BTRC: variants seen among roughly 807,000 people sequenced by gnomAD.
BTRC encodes the protein beta-transducin repeat containing E3 ubiquitin protein ligase.
Under a neutral mutation model 85.5 loss-of-function variants are expected in BTRC, and 42 were observed. The observed-to-expected ratio is 0.49, with a 90% CI of 0.38 to 0.64. BTRC has a LOEUF of 0.64. Ranked by LOEUF, BTRC falls within the 30% of genes least tolerant of loss-of-function variation. BTRC has a pLI of 0.00. For missense variants in BTRC, 594 were observed against 743.5 expected (o/e 0.80, Z 2.34); for synonymous variants, 255 against 263.3 (o/e 0.97, Z 0.30).
At chr10:101,473,849 C>T (rs181785800) in intron 3 of BTRC, among the ~76,000 whole-genome samples, 52 of 152,228 alleles carry the variant, frequency 3.4e-4, no homozygotes, top group Non-Finnish European at 5.3e-4. Context: ...CCTCCTGCCT[C>T]GGCTTCCCAA....
intron 1 of BTRC, among the ~76,000 whole-genome samples, chr10:101,375,796 C>T (rs1298977449): frequency 6.6e-6 from 1 of 152,160 alleles, no homozygotes; most frequent in Non-Finnish European, 1.5e-5. Context: ...CTTTTTCCCC[C>T]CTCTTCCCTT....
At chr10:101,355,454 A>G (rs1021986793) in intron 1 of BTRC, among the ~76,000 whole-genome samples, 5 of 152,212 alleles carry the variant, frequency 3.3e-5, no homozygotes, top group Admixed American at 2.6e-4. Flanking sequence ...CTGATATTTG[A>G]TGCTTTTAAT....
intron 1 of BTRC, among the ~76,000 whole-genome samples, chr10:101,415,481 TTTATTTTATGTTATGTTATG>T (rs1424084813): frequency 5.3e-4 from 3 of 5,668 alleles, no homozygotes; most frequent in African/African-American, 5.8e-4. Flanking sequence ...TTTATTTTAT[TTTATTTTATGTTATGTTATG>T]TTATGTTATG....
At chr10:101,369,861 A>G (rs1033688880) in intron 1 of BTRC, among the ~76,000 whole-genome samples, 11 of 152,212 alleles carry the variant, frequency 7.2e-5, no homozygotes, top group Admixed American at 7.2e-4. Context: ...TCCTCAAAAT[A>G]TTTTCTTAGT....
chr10:101,547,471 G>A (rs1228806030), intron 13 of BTRC, among the ~76,000 whole-genome samples: 2 of 150,724 alleles, frequency 1.3e-5, no homozygotes, highest in African/African-American at 4.9e-5. Context: ...CTCCTGAGTA[G>A]CTGGGATTAC....
intron 9 of BTRC, among the ~76,000 whole-genome samples, chr10:101,533,535 G>C (rs1477586280): frequency 6.6e-6 from 1 of 152,142 alleles, no homozygotes; most frequent in East Asian, 1.9e-4. Flanking sequence ...CACTCAGGTA[G>C]GGGCCCTCAA....
At chr10:101,399,190 A>G (rs1429254482) in intron 1 of BTRC, among the ~76,000 whole-genome samples, 3 of 151,930 alleles carry the variant, frequency 2.0e-5, no homozygotes, top group Non-Finnish European at 2.9e-5. Context: ...CCTGACCTCA[A>G]ATGATCCACC....
At chr10:101,522,009 T>A in intron 5 of BTRC, 139 bp downstream of exon 5, 1 of 256,914 alleles carries the variant, frequency 3.9e-6, no homozygotes, top group Non-Finnish European at 7.0e-6. Context: ...CTTTTTGATA[T>A]AAAGCTTTTT....
chr10:101,354,147 C>T (rs1392428719), upstream of BTRC: 8 of 1,548,162 alleles, frequency 5.2e-6, no homozygotes, highest in Non-Finnish European at 7.0e-6. Flanking sequence ...AGGGGCGGCC[C>T]CGGCGGAGAG....
intron 4 of BTRC, among the ~76,000 whole-genome samples, chr10:101,511,617 G>A (rs2061955827): frequency 6.6e-6 from 1 of 152,050 alleles, no homozygotes. Context: ...AGTGCAGTGG[G>A]CAATCTCAGG....
intron 4 of BTRC, among the ~76,000 whole-genome samples, chr10:101,494,569 ACT>A (rs1255787994): frequency 1.3e-5 from 2 of 152,148 alleles, no homozygotes; most frequent in Admixed American, 1.3e-4. Context: ...TTTTAAGGTG[ACT>A]CTGCATTTTC....
chr10:101,448,864 A>G (rs150307904), intron 2 of BTRC, among the ~76,000 whole-genome samples: 57 of 152,034 alleles, frequency 3.7e-4, no homozygotes, highest in African/African-American at 1.3e-3. Context: ...ACCCTTCAAT[A>G]TCTATGCTGA....
At chr10:101,434,376 G>A (rs1021328048) in intron 2 of BTRC, among the ~76,000 whole-genome samples, 1 of 151,986 alleles carries the variant, frequency 6.6e-6, no homozygotes, top group African/African-American at 2.4e-5. Context: ...GGAACAATTG[G>A]ATATCCTTGT....
intron 1 of BTRC, among the ~76,000 whole-genome samples, chr10:101,394,466 C>T (rs1943314254): frequency 1.3e-5 from 2 of 152,080 alleles, no homozygotes. Context: ...TAGTTTGTTT[C>T]TTAAATAAGG....
At position 101,418,711 on chromosome 10, in the gene BTRC, A is replaced by T. The variant is rs546682152; in HGVS notation, c.49-11634A>T. Among the ~76,000 whole-genome samples the T allele has an allele frequency of 3.4e-4, 52 of 151,306 alleles. No homozygotes were observed. In the East Asian group the frequency reaches 8.5e-3, roughly 25 times the overall value. On this transcript the variant is annotated intron_variant, in intron 1 of 14. Coordinates refer to ENST00000370187, the MANE Select transcript of BTRC (RefSeq NM_033637.4). ...GCAAACAAAAATTATTATTATTATT[A>T]TTTTTTTATTCTGGGGTACATGTGC...
At chr10:101,550,639 T>G (rs1178542273) in intron 13 of BTRC, 60 bp from the exon 14 acceptor site, 2 of 1,538,390 alleles carry the variant, frequency 1.3e-6, no homozygotes, top group Non-Finnish European at 1.8e-6. Flanking sequence ...GTTGCTGAAT[T>G]TGTGTCCTAT....
Position 101,492,167 on chromosome 10 carries a change from A to T in BTRC, c.324+12710A>T, listed in dbSNP as rs74153209. 4.6e-5 allele frequency among the ~76,000 whole-genome samples: 7 copies of T among 152,310 alleles called. No homozygotes were observed. In the East Asian group the frequency reaches 9.6e-4, roughly 21 times the overall value. On this transcript the variant is annotated intron_variant, in intron 4 of 14. Coordinates refer to ENST00000370187, the MANE Select transcript of BTRC (RefSeq NM_033637.4). ...ACATAAATTTATGTTTTATACCTCA[A>T]ACATCACTTCTCTAATTTAATCCAC...
At chr10:101,414,205 G>C (rs1037105823) in intron 1 of BTRC, among the ~76,000 whole-genome samples, 1 of 152,120 alleles carries the variant, frequency 6.6e-6, no homozygotes, top group African/African-American at 2.4e-5. Context: ...CATATAAGTG[G>C]ATTTATACAG....
At chr10:101,494,111 C>G (rs1422473664) in intron 4 of BTRC, among the ~76,000 whole-genome samples, 2 of 152,210 alleles carry the variant, frequency 1.3e-5, no homozygotes, top group African/African-American at 2.4e-5. Context: ...TAATGAATAA[C>G]TGTTTTCAGA....
Sources: gnomAD v4.1 joint callset for allele counts (sites outside exome capture counted in the v4.1 genomes callset) on GRCh38, gnomAD v4.1.1 for gene constraint, MANE v1.5 for transcripts, NCBI Gene and HGNC (gene_info 2026-07-23, HGNC 2026-07-21) for gene names.